Variants in SGCD observed in about 807,000 individuals in gnomAD.
SGCD encodes delta-sarcoglycan.
A neutral mutation model predicts 36.6 loss-of-function variants in SGCD; 18 were observed. The observed-to-expected ratio is 0.49, with a 90% confidence interval of 0.34 to 0.73. The LOEUF (loss-of-function observed/expected upper bound fraction) is 0.73. Among genes scored for constraint, SGCD ranks in the 30% least tolerant of loss-of-function variants. The probability of loss-of-function intolerance (pLI) is 0.01; values close to 1 mark genes in which losing one functional copy is unlikely to be tolerated. For synonymous variants in SGCD, 133 were observed against 130.6 expected (o/e 1.02, Z -0.12); for missense variants, 387 against 346.7 (o/e 1.12, Z -0.92).
intron 1 of SGCD, among the ~76,000 whole-genome samples, chr5:155,934,315 T>C (rs886689297): frequency 6.6e-6 from 1 of 152,222 alleles, no homozygotes; most frequent in African/African-American, 2.4e-5. Context: ...GAAAATGGCC[T>C]GACTTAGTTG....
chr5:156,589,010 G>GTA (rs980713688), intron 4 of SGCD, among the ~76,000 whole-genome samples: 1 of 152,042 alleles, frequency 6.6e-6, no homozygotes, highest in African/African-American at 2.4e-5. Flanking sequence ...GTGTGTGTGT[G>GTA]TGTGTGTGTG....
intron 7 of SGCD, among the ~76,000 whole-genome samples, chr5:156,723,406 G>A (rs781407512): frequency 3.3e-5 from 5 of 152,118 alleles, no homozygotes; most frequent in Admixed American, 1.3e-4. Flanking sequence ...AGACTTAAAC[G>A]TTGCCAGCAT....
At position 156,342,970 on chromosome 5, in the gene SGCD, A is replaced by C. The variant is rs534112822; in HGVS notation, c.4-1519A>C. On this transcript the variant is annotated intron_variant, in intron 2 of 8. Transcript: ENST00000337851. ...GTTTGGAATGAGACAGATGCCATGT[A>C]GGCCTTCATGGAGCATTTCAGTTAG... 3.9e-5 allele frequency among the ~76,000 whole-genome samples: 6 copies of C among 152,338 alleles called. No homozygotes were observed. In the South Asian group the frequency reaches 1.2e-3, roughly 32 times the overall value.
chr5:155,747,123 AT>A, the SGCD span, among the ~76,000 whole-genome samples: 2 of 152,230 alleles, frequency 1.3e-5, no homozygotes, highest in African/African-American at 4.8e-5. Context: ...AACATTTTGA[AT>A]TTTGATAAAA....
Position 156,464,341 on chromosome 5 carries a change from C to G in SGCD, c.193-44260C>G, listed in dbSNP as rs187421124. On this transcript the variant is annotated intron_variant, in intron 3 of 8. Transcript: ENST00000337851. Reference sequence around the variant, plus strand: ...GTTCAATTGATTCTCCTGCCTCACCCTACAGAGTAGCTGGGATTACAGGCA... The same window carrying G: ...GTTCAATTGATTCTCCTGCCTCACCGTACAGAGTAGCTGGGATTACAGGCA... Among the ~76,000 whole-genome samples the G allele has an allele frequency of 4.7e-3, 711 of 151,878 alleles. 7 individuals carry two copies. Among genetic ancestry groups the G allele is most frequent in the African/African-American group, 0.015 (624 of 41,368 alleles).
rs185930876 is a variant in SGCD at position 156,467,502 on chromosome 5, A to G, written c.193-41099A>G. On this transcript the variant is annotated intron_variant, in intron 3 of 8. Coordinates refer to ENST00000337851, the MANE Select transcript of SGCD (RefSeq NM_000337.6). ...AAACACCTGTATGGAAAAATAAAGC[A>G]CTAATAAATGCAAACAATCTCTCTT... Among the ~76,000 whole-genome samples the G allele has an allele frequency of 2.0e-5, 3 of 152,348 alleles. No homozygotes were observed. The East Asian group carries it at 5.8e-4, about 29-fold the overall frequency.
At chr5:156,722,373 A>G (rs1024899104) in intron 7 of SGCD, among the ~76,000 whole-genome samples, 6 of 152,200 alleles carry the variant, frequency 3.9e-5, no homozygotes, top group Non-Finnish European at 8.8e-5. Context: ...CTTGGCAGAC[A>G]TAGGAGGAAA....
At chr5:155,766,200 A>G in the SGCD span, among the ~76,000 whole-genome samples, 1 of 152,172 alleles carries the variant, frequency 6.6e-6, no homozygotes, top group Non-Finnish European at 1.5e-5. Context: ...GTCTCAGGGA[A>G]CAGGAAGCCA....
At chr5:156,709,136 G>A (rs1461454317) in intron 7 of SGCD, among the ~76,000 whole-genome samples, 1 of 152,096 alleles carries the variant, frequency 6.6e-6, no homozygotes, top group Non-Finnish European at 1.5e-5. Context: ...TTTCTCAGTT[G>A]CCTTCAACTC....
chr5:155,796,735 G>C, the SGCD span, among the ~76,000 whole-genome samples: 1 of 147,454 alleles, frequency 6.8e-6, no homozygotes, highest in Admixed American at 6.9e-5. Context: ...GAACCCAGGA[G>C]GTGGAGGTTG....
chr5:155,939,265 A>G (rs1305785935), intron 1 of SGCD, among the ~76,000 whole-genome samples: 2 of 152,222 alleles, frequency 1.3e-5, no homozygotes, highest in African/African-American at 4.8e-5. Flanking sequence ...AATCAGCTCC[A>G]TGGTGCCATT....
intron 3 of SGCD, among the ~76,000 whole-genome samples, chr5:156,162,963 C>G (rs1432325843): frequency 6.6e-6 from 1 of 151,540 alleles, no homozygotes; most frequent in African/African-American, 2.4e-5. Context: ...TATCTAACTT[C>G]CCTCCTTCTC....
At chr5:156,334,613 T>TC (rs1554094047) in intron 2 of SGCD, among the ~76,000 whole-genome samples, 2 of 148,786 alleles carry the variant, frequency 1.3e-5, no homozygotes, top group Non-Finnish European at 3.0e-5. Context: ...TATTTTCTTT[T>TC]TTTTTTTTTT....
chr5:156,238,261 G>T (rs142712689), intron 3 of SGCD, among the ~76,000 whole-genome samples: 3 of 152,214 alleles, frequency 2.0e-5, no homozygotes, highest in Non-Finnish European at 2.9e-5. Context: ...ATAGTTTTAC[G>T]TATCTAATTT....
chr5:156,108,958 C>G (rs1761716115), intron 1 of SGCD, among the ~76,000 whole-genome samples: 1 of 152,136 alleles, frequency 6.6e-6, no homozygotes, highest in African/African-American at 2.4e-5. Context: ...CCAATAATAA[C>G]AGCAACAAAC....
intron 1 of SGCD, among the ~76,000 whole-genome samples, chr5:156,070,925 G>C (rs1467093445): frequency 6.6e-6 from 1 of 152,168 alleles, no homozygotes; most frequent in Non-Finnish European, 1.5e-5. Context: ...GCATAGAGGT[G>C]TTTGTAGTAT....
intron 3 of SGCD, among the ~76,000 whole-genome samples, chr5:156,229,459 T>A (rs1404854906): frequency 2.0e-5 from 3 of 151,396 alleles, no homozygotes; most frequent in African/African-American, 7.3e-5. Context: ...TCTTGACTGA[T>A]AATTGTTTTG....
At chr5:155,869,316 G>A (rs1267603397), upstream of SGCD, among the ~76,000 whole-genome samples, 1 of 152,144 alleles carries the variant, frequency 6.6e-6, no homozygotes, top group East Asian at 1.9e-4. Context: ...AGATATTGTT[G>A]TATGAATTAA....
At chr5:156,110,522 C>A (rs1240226677) in intron 1 of SGCD, among the ~76,000 whole-genome samples, 1 of 151,806 alleles carries the variant, frequency 6.6e-6, no homozygotes, top group Non-Finnish European at 1.5e-5. Flanking sequence ...TTCTGTAATT[C>A]TTTCTGAGGG....
Sources: allele counts gnomAD v4.1 joint callset (sites outside exome capture counted in the v4.1 genomes callset), GRCh38; gene constraint gnomAD v4.1.1; transcripts MANE v1.5; gene names NCBI Gene and HGNC (gene_info 2026-07-23, HGNC 2026-07-21).